The following DMC1 variants were observed in gnomAD, a reference collection of about 807,000 sequenced individuals.
DMC1 encodes DNA meiotic recombinase 1, also known as meiotic recombination protein DMC1 homolog.
DMC1 carries 27 observed loss-of-function variants against 50.1 expected under a neutral mutation model. The observed-to-expected ratio is 0.54, with a 90% CI of 0.40 to 0.74. DMC1 has a LOEUF of 0.74. Among genes scored for constraint, DMC1 ranks in the 30% least tolerant of loss-of-function variants. The pLI is 0.00. For synonymous variants in DMC1, 148 were observed against 136.1 expected, an observed-to-expected ratio of 1.09 and a Z score of -0.61; for missense variants, 295 against 420.2, an observed-to-expected ratio of 0.70 and a Z score of 2.60.
the DMC1 span, among the ~76,000 whole-genome samples, chr22:38,513,249 C>T: frequency 2.0e-5 from 3 of 152,366 alleles, no homozygotes; most frequent in Middle Eastern, 3.4e-3. Flanking sequence ...CTAGGCCCTG[C>T]TGCCCCTGCT....
At chr22:38,529,341 G>A (rs1487814403) in intron 12 of DMC1, among the ~76,000 whole-genome samples, 1 of 152,100 alleles carries the variant, frequency 6.6e-6, no homozygotes, top group African/African-American at 2.4e-5. Context: ...AGTAAAAACA[G>A]CTTCAGAAAA....
At chr22:38,521,768 T>TAGTCC in intron 12 of DMC1, 44 bp from the exon 13 acceptor site, 1 of 1,286,696 alleles carries the variant, frequency 7.8e-7, no homozygotes, top group Non-Finnish European at 1.1e-6. Flanking sequence ...ATATGGACTA[T>TAGTCC]ATATGGCAAT....
intron 12 of DMC1, among the ~76,000 whole-genome samples, chr22:38,525,291 T>C (rs2090076172): frequency 2.0e-5 from 3 of 152,170 alleles, no homozygotes; most frequent in Non-Finnish European, 4.4e-5. Flanking sequence ...ATTTGTGTCA[T>C]ATCTTCAAAA....
chr22:38,514,366 T>C (rs1206622822), downstream of DMC1, among the ~76,000 whole-genome samples: 1 of 147,502 alleles, frequency 6.8e-6, no homozygotes, highest in Non-Finnish European at 1.5e-5. Context: ...TGCCTCAGCC[T>C]CTGGAGTAGC....
At chr22:38,544,927 C>T (rs866690106) in intron 8 of DMC1, among the ~76,000 whole-genome samples, 16 of 152,026 alleles carry the variant, frequency 1.1e-4, no homozygotes, top group South Asian at 4.2e-4. Context: ...CCACTGCGCC[C>T]GGCAGCAAAA....
At chr22:38,521,502 G>A in intron 13 of DMC1, 106 bp downstream of exon 13, 1 of 772,726 alleles carries the variant, frequency 1.3e-6, no homozygotes, top group Non-Finnish European at 2.1e-6. Flanking sequence ...CTAGGAGTTT[G>A]AGACCAGCTC....
chr22:38,539,354 G>C lies in DMC1; in HGVS notation c.553C>G (p.Leu185Val). 6.2e-7 allele frequency: 1 copy of C among 1,614,046 alleles called. No individual in the cohort carries two copies. Among genetic ancestry groups the C allele is most frequent in the Non-Finnish European group, 8.5e-7 (1 of 1,179,950 alleles). ...DRFNVDHDAV[L>V]DNVLYARAYT... The stretch of plus-strand genomic sequence containing the variant: ...GCACGTGCATAAAGTACGTTGTCCA[G>C]TACTGCATCATGGTCTACATTAAAG... The change falls in exon 9 of 14, where the codon CTG becomes GTG. Residue 185 changes from leucine (L) to valine (V), a missense_variant. Transcript: ENST00000216024.
At chr22:38,539,245 G>T in intron 9 of DMC1, 76 bp downstream of exon 9, 1 of 1,022,290 alleles carries the variant, frequency 9.8e-7, no homozygotes, top group Non-Finnish European at 1.5e-6. Flanking sequence ...GTATCAAAAT[G>T]TTGTATCCCT....
At chr22:38,526,011 TAA>T (rs999719220) in intron 12 of DMC1, among the ~76,000 whole-genome samples, 1 of 151,926 alleles carries the variant, frequency 6.6e-6, no homozygotes, top group African/African-American at 2.4e-5. Context: ...ATTATGGGGA[TAA>T]AAAAGTCTAA....
intron 12 of DMC1, among the ~76,000 whole-genome samples, chr22:38,533,124 G>A (rs2090171319): frequency 6.6e-6 from 1 of 151,922 alleles, no homozygotes; most frequent in Non-Finnish European, 1.5e-5. Context: ...CAGACGCGGT[G>A]GCTCATGCCT....
chr22:38,552,738 AAT>A, intron 6 of DMC1, 31 bp from the exon 7 acceptor site: 1 of 1,436,586 alleles, frequency 7.0e-7, no homozygotes, highest in South Asian at 1.2e-5. Context: ...TGATTTTAAA[AAT>A]GCATAATTTC....
chr22:38,510,724 A>G, the DMC1 span, among the ~76,000 whole-genome samples: 1 of 152,216 alleles, frequency 6.6e-6, no homozygotes, highest in Non-Finnish European at 1.5e-5. Context: ...TTAACCATGA[A>G]GGGAACTTTT....
At chr22:38,515,396 G>A (rs953612041), downstream of DMC1, among the ~76,000 whole-genome samples, 18 of 148,148 alleles carry the variant, frequency 1.2e-4, no homozygotes, top group African/African-American at 4.5e-4. Context: ...AGAATTACTT[G>A]AACTCAGGAG....
At chr22:38,516,911 G>A (rs564817886), downstream of DMC1, among the ~76,000 whole-genome samples, 24 of 152,168 alleles carry the variant, frequency 1.6e-4, 1 homozygote, top group South Asian at 3.1e-3. Flanking sequence ...TTGCAGCCTC[G>A]ACTTCCTGGG....
chr22:38,516,899 C>T (rs1005229961), downstream of DMC1, among the ~76,000 whole-genome samples: 2 of 152,178 alleles, frequency 1.3e-5, no homozygotes, highest in African/African-American at 4.8e-5. Context: ...CATCACGGCT[C>T]ATTGCAGCCT....
At chr22:38,544,630 C>CTT (rs142876191) in intron 8 of DMC1, among the ~76,000 whole-genome samples, 8 of 143,736 alleles carry the variant, frequency 5.6e-5, no homozygotes, top group African/African-American at 1.3e-4. Context: ...AATAAACTTT[C>CTT]TTTTTTTTTT....
downstream of DMC1, among the ~76,000 whole-genome samples, chr22:38,515,280 C>T (rs1171126151): frequency 1.3e-5 from 2 of 150,054 alleles, no homozygotes; most frequent in East Asian, 4.0e-4. Context: ...GAGTTCAAGA[C>T]CAGCCTGACC....
At chr22:38,548,971 T>C (rs1206000357) in intron 8 of DMC1, among the ~76,000 whole-genome samples, 1 of 152,232 alleles carries the variant, frequency 6.6e-6, no homozygotes, top group East Asian at 1.9e-4. Flanking sequence ...ACAAAAAACC[T>C]GAGCGGTTTC....
At chr22:38,514,062 C>T (rs2089959769), downstream of DMC1, among the ~76,000 whole-genome samples, 1 of 152,068 alleles carries the variant, frequency 6.6e-6, no homozygotes, top group Admixed American at 6.6e-5. Flanking sequence ...GACACCTTGG[C>T]TTCACCTGTG....
Sources: gnomAD v4.1 joint callset for allele counts (sites outside exome capture counted in the v4.1 genomes callset) on GRCh38, gnomAD v4.1.1 for gene constraint, MANE v1.5 for transcripts, NCBI Gene and HGNC (gene_info 2026-07-23, HGNC 2026-07-21) for gene names.